MYO10: variants seen among roughly 807,000 people sequenced by gnomAD.
MYO10 encodes the protein unconventional myosin-X.
Under a neutral mutation model 257.3 loss-of-function variants are expected in MYO10, and 133 were observed. The observed-to-expected ratio is 0.52, with a 90% CI of 0.45 to 0.60. The LOEUF is 0.60. Ranked by LOEUF, MYO10 falls within the 20% of genes least tolerant of loss-of-function variation. The pLI is 0.00. For missense variants in MYO10, 2,399 were observed against 2,635.7 expected, an observed-to-expected ratio of 0.91 and a Z score of 1.97; for synonymous variants, 1,104 against 1,028.6, an observed-to-expected ratio of 1.07 and a Z score of -1.40.
chr5:16,882,331 T>A (rs1744775288), intron 1 of MYO10, among the ~76,000 whole-genome samples: 1 of 152,236 alleles, frequency 6.6e-6, no homozygotes, highest in Non-Finnish European at 1.5e-5. Context: ...AAATGGTACA[T>A]CTGCTTTGGA....
Position 16,664,873 on chromosome 5 carries a change from T to C in MYO10, c.*1819A>G, listed in dbSNP as rs538633033. 6.6e-6 allele frequency: 1 copy of C among 152,342 alleles called. No homozygotes were observed. The highest frequency in any genetic ancestry group is 2.4e-5 in the African/African-American group (1 of 41,566). The allele number at this position is 152,342 out of a possible 1,614,324, so 9.4% of individuals were successfully genotyped here. On this transcript the variant is annotated 3_prime_UTR_variant, in exon 41 of 41. Transcript: ENST00000513610. ...GCTGCAGATCTGTGTTTAGACCTGA[T>C]GAGCAAGTCCATGAAACAAACACAA...
intron 21 of MYO10, among the ~76,000 whole-genome samples, chr5:16,705,806 C>T (rs3849106): frequency 0.25 from 37,970 of 152,054 alleles, 5,138 homozygotes; most frequent in East Asian, 0.33. Flanking sequence ...GGGTAAAACT[C>T]CATCACAAAT....
Position 16,814,029 on chromosome 5 carries a change from G to A in MYO10, c.279+3980C>T, listed in dbSNP as rs112178285. Among the ~76,000 whole-genome samples the A allele has an allele frequency of 4.9e-3, 752 of 152,300 alleles. 5 individuals carry two copies. Among genetic ancestry groups the A allele is most frequent in the African/African-American group, 0.017 (707 of 41,576 alleles). Reference sequence around the variant, plus strand: ...AACTGAATTCAGCCAACGACACAATGAGCAGGAAACGGATCCTCCTCTAGA... The same window carrying A: ...AACTGAATTCAGCCAACGACACAATAAGCAGGAAACGGATCCTCCTCTAGA... On this transcript the variant is annotated intron_variant, in intron 3 of 40. Transcript: ENST00000513610.
In MYO10 at chr5:16,701,760, C is replaced by G. The variant is rs780398801; in HGVS notation, c.2635G>C (p.Glu879Gln). Residue 879 changes from glutamate to glutamine, a missense_variant, in exon 25 of 41, where the codon GAG becomes CAG. Glu to Gln is a conservative substitution (Grantham distance 29). Around this residue, in one of 3 missense-constraint regions of MYO10, gnomAD observed 1,820 missense variants for 1,939.4 expected, o/e 0.94. Coordinates refer to ENST00000513610, the MANE Select transcript of MYO10 (RefSeq NM_012334.3). This position sits in a 1 kb window ranked among gnomAD's most constrained non-coding sequence, Gnocchi z 8.1. ...QKEAELTREL[E>Q]KQKENKQVEE... is the part of the protein sequence containing the mutation. ...ACCTGCTTATTTTCCTTCTGTTTCTCCAGTTCACGGGTCAGTTCAGCTTCC... is the reference window on the plus strand; with the variant it reads ...ACCTGCTTATTTTCCTTCTGTTTCTGCAGTTCACGGGTCAGTTCAGCTTCC... 1 of 1,614,012 alleles carries G rather than the reference C, an allele frequency of 6.2e-7. No homozygotes were observed. The highest frequency in any genetic ancestry group is 1.7e-5 in the Admixed American group (1 of 60,016).
intron 19 of MYO10, among the ~76,000 whole-genome samples, chr5:16,717,287 T>C (rs1314684451): frequency 6.6e-6 from 1 of 152,194 alleles, no homozygotes; most frequent in Admixed American, 6.5e-5. Flanking sequence ...AATATTACCA[T>C]GGGATATAAC....
intron 6 of MYO10, among the ~76,000 whole-genome samples, chr5:16,781,332 G>A (rs1399901442): frequency 6.6e-6 from 1 of 152,086 alleles, no homozygotes; most frequent in East Asian, 1.9e-4. Context: ...TGACCACCTT[G>A]GCCTCCCACA....
chr5:16,784,964 C>T (rs946825053), intron 4 of MYO10, among the ~76,000 whole-genome samples: 7 of 151,252 alleles, frequency 4.6e-5, no homozygotes, highest in African/African-American at 1.2e-4. Flanking sequence ...GACATAATGT[C>T]GTAATGTCAA....
In MYO10 at chr5:16,924,643, C is replaced by T. The variant is rs371321217; in HGVS notation, c.21+11145G>A. 7.9e-5 allele frequency among the ~76,000 whole-genome samples: 12 copies of T among 152,252 alleles called. No individual in the cohort carries two copies. In the South Asian group the frequency reaches 1.9e-3, roughly 24 times the overall value. ...TAAAATTGTCATATAATTGATGATA[C>T]AGCCACAGGAAGAATGGGCAGACTA... On this transcript the variant is annotated intron_variant, in intron 1 of 40. Transcript: ENST00000513610.
rs148893633 is a variant in MYO10 at position 16,861,109 on chromosome 5, T to A, written c.120+16500A>T. On this transcript the variant is annotated intron_variant, in intron 2 of 40. Transcript: ENST00000513610. ...TCTGAGGCAGAGCCAAGGCCCTTGG[T>A]AGAAGCTTCCCAGTGAATTATTACG... Among the ~76,000 whole-genome samples the A allele has an allele frequency of 5.7e-3, 865 of 152,062 alleles. 13 individuals are homozygous for A. Among genetic ancestry groups the A allele is most frequent in the African/African-American group, 0.019 (788 of 41,470 alleles).
chr5:16,917,694 C>CA (rs774760531), intron 1 of MYO10, among the ~76,000 whole-genome samples: 6,935 of 94,196 alleles, frequency 0.074, 170 homozygotes, highest in Non-Finnish European at 0.092. Context: ...CCCATCTCTA[C>CA]AAAAAAAAAA....
chr5:16,763,566 C>G lies in MYO10; in HGVS notation c.1428-19G>C, dbSNP rs1320135064. Reference sequence around the variant, plus strand: ...TCCTTCCCTGTAGAAAGATTTTAAACAGCCAAGTTAAATGAAAACATAGCT... The same window carrying G: ...TCCTTCCCTGTAGAAAGATTTTAAAGAGCCAAGTTAAATGAAAACATAGCT... On this transcript the variant is annotated intron_variant, in intron 13 of 40. Transcript: ENST00000513610. 3 of 1,602,720 alleles carry G rather than the reference C, an allele frequency of 1.9e-6. No individual in the cohort carries two copies. Among genetic ancestry groups the G allele is most frequent in the Admixed American group, 1.7e-5 (1 of 59,908 alleles).
intron 1 of MYO10, among the ~76,000 whole-genome samples, chr5:16,901,540 G>A (rs370424651): frequency 1.3e-5 from 2 of 152,016 alleles, no homozygotes; most frequent in South Asian, 2.1e-4. Flanking sequence ...TTCACCTTTC[G>A]CGTCCAACTC....
intron 9 of MYO10, among the ~76,000 whole-genome samples, chr5:16,774,615 G>T (rs1345976197): frequency 6.6e-6 from 1 of 151,912 alleles, no homozygotes; most frequent in Non-Finnish European, 1.5e-5. Flanking sequence ...TAGAGACGGG[G>T]TTTCACTGTG....
chr5:16,752,578 G>A (rs58449985), intron 19 of MYO10, among the ~76,000 whole-genome samples: 3,740 of 152,272 alleles, frequency 0.025, 176 homozygotes, highest in African/African-American at 0.085. Context: ...GAGCCACCAC[G>A]CCTAGCCAAA....
At chr5:16,671,854 GTTTC>G (rs1488831430) in intron 37 of MYO10, among the ~76,000 whole-genome samples, 8 of 152,064 alleles carry the variant, frequency 5.3e-5, no homozygotes, top group Non-Finnish European at 1.0e-4. Context: ...ACAAAAGCCT[GTTTC>G]TTTATTACCT....
Position 16,670,745 on chromosome 5 carries a change from G to A in MYO10, c.5664C>T (p.Thr1888=). 1 of 1,613,948 alleles carries A rather than the reference G, an allele frequency of 6.2e-7. No homozygotes were observed. The highest frequency in any genetic ancestry group is 1.1e-5 in the South Asian group (1 of 91,078). Reference sequence around the variant, plus strand: ...ATCCTGTCCGGAAGCTCCGCCTCAGGGTCCCCTCTAGGAAGCTCGTCCGCC... The same window carrying A: ...ATCCTGTCCGGAAGCTCCGCCTCAGAGTCCCCTCTAGGAAGCTCGTCCGCC... ...EKRRTSFLEG[T]LRRSFRTGSV... Residue 1888 remains threonine, a synonymous_variant, in exon 39 of 41, where the codon ACC becomes ACT. Coordinates refer to ENST00000513610, the MANE Select transcript of MYO10 (RefSeq NM_012334.3).
At chr5:16,719,280 G>A (rs982098256) in intron 19 of MYO10, among the ~76,000 whole-genome samples, 1 of 152,054 alleles carries the variant, frequency 6.6e-6, no homozygotes, top group Non-Finnish European at 1.5e-5. Context: ...GAGGGTCCGC[G>A]GCTTCATTCT....
chr5:16,869,020 C>T (rs1561028005), intron 2 of MYO10, among the ~76,000 whole-genome samples: 2 of 151,754 alleles, frequency 1.3e-5, no homozygotes, highest in African/African-American at 4.8e-5. Flanking sequence ...AATCCTACTG[C>T]TTTGTTTTTT....
At chr5:16,684,854 C>T (rs1737172728) in intron 29 of MYO10, among the ~76,000 whole-genome samples, 1 of 152,002 alleles carries the variant, frequency 6.6e-6, no homozygotes, top group South Asian at 2.1e-4. Context: ...CCAGACCAGA[C>T]TGGGCAACAT....
Sources: allele counts gnomAD v4.1 joint callset (sites outside exome capture counted in the v4.1 genomes callset), GRCh38; gene constraint gnomAD v4.1.1; regional missense constraint gnomAD v4.1.1; non-coding constraint Gnocchi (gnomAD v3.1); transcripts MANE v1.5; gene names NCBI Gene and HGNC (gene_info 2026-07-23, HGNC 2026-07-21).